The following PPARGC1A variants were observed in gnomAD, a reference collection of about 807,000 sequenced individuals.
PPARGC1A encodes peroxisome proliferator-activated receptor gamma coactivator 1-alpha.
Under a neutral mutation model 88.7 loss-of-function variants are expected in PPARGC1A, and 25 were observed. The observed-to-expected ratio is 0.28, with a 90% confidence interval of 0.21 to 0.39. The LOEUF (loss-of-function observed/expected upper bound fraction) is 0.39, where lower values mean the gene tolerates loss of function less well. PPARGC1A is among the 10% of genes least tolerant of loss of function. The pLI is 1.00. For missense variants in PPARGC1A, 880 were observed against 968.7 expected (o/e 0.91, Z 1.22); for synonymous variants, 363 against 355.6 (o/e 1.02, Z -0.24).
chr4:24,140,826 C>T, the PPARGC1A span, among the ~76,000 whole-genome samples: 68 of 152,146 alleles, frequency 4.5e-4, no homozygotes, highest in Non-Finnish European at 8.7e-4. Context: ...AATCGAGAGA[C>T]ACTTGCCCTT....
the PPARGC1A span, among the ~76,000 whole-genome samples, chr4:24,092,003 G>A: frequency 6.6e-6 from 1 of 151,978 alleles, no homozygotes; most frequent in Non-Finnish European, 1.5e-5. Context: ...GGTTGCATCA[G>A]TGGGCTGGTG....
chr4:24,157,463 G>C, the PPARGC1A span, among the ~76,000 whole-genome samples: 3 of 152,048 alleles, frequency 2.0e-5, no homozygotes, highest in Non-Finnish European at 4.4e-5. Context: ...TCTCACCTGA[G>C]CATTAAATAA....
the PPARGC1A span, among the ~76,000 whole-genome samples, chr4:24,008,951 T>C: frequency 6.6e-6 from 1 of 151,972 alleles, no homozygotes; most frequent in Admixed American, 6.6e-5. Context: ...TTTATATATC[T>C]TAAATCTTAG....
the PPARGC1A span, among the ~76,000 whole-genome samples, chr4:24,418,625 T>A: frequency 6.6e-6 from 1 of 152,146 alleles, no homozygotes; most frequent in Non-Finnish European, 1.5e-5. Flanking sequence ...ACACTATCAT[T>A]TACTTATGTG....
the PPARGC1A span, among the ~76,000 whole-genome samples, chr4:24,166,358 G>A: frequency 1.3e-5 from 2 of 152,224 alleles, no homozygotes; most frequent in Non-Finnish European, 2.9e-5. Context: ...GCTGCAGCAA[G>A]TCACCCAGAG....
the PPARGC1A span, among the ~76,000 whole-genome samples, chr4:23,913,003 C>T: frequency 6.8e-6 from 1 of 147,884 alleles, no homozygotes; most frequent in Admixed American, 6.8e-5. Flanking sequence ...GATGGGGTTT[C>T]ACCATGTTAG....
the PPARGC1A span, among the ~76,000 whole-genome samples, chr4:24,458,571 C>G: frequency 6.6e-6 from 1 of 152,090 alleles, no homozygotes; most frequent in African/African-American, 2.4e-5. Context: ...CATCTGGTAC[C>G]CTTACATGTA....
At chr4:23,990,265 T>C in the PPARGC1A span, among the ~76,000 whole-genome samples, 2 of 150,946 alleles carry the variant, frequency 1.3e-5, no homozygotes, top group African/African-American at 4.9e-5. Flanking sequence ...TTTTTGTTGA[T>C]AATTTACAAG....
At chr4:24,144,027 C>T in the PPARGC1A span, among the ~76,000 whole-genome samples, 15 of 152,364 alleles carry the variant, frequency 9.8e-5, no homozygotes, top group African/African-American at 3.6e-4. Context: ...CCAGCCCCTA[C>T]TGGCCACATG....
the PPARGC1A span, among the ~76,000 whole-genome samples, chr4:24,084,545 T>C: frequency 6.6e-6 from 1 of 152,176 alleles, no homozygotes; most frequent in Non-Finnish European, 1.5e-5. Flanking sequence ...GGCCTAAGTG[T>C]CATTTGTTAG....
the PPARGC1A span, among the ~76,000 whole-genome samples, chr4:24,287,922 A>G: frequency 1.3e-5 from 2 of 152,104 alleles, no homozygotes; most frequent in East Asian, 1.9e-4. Context: ...GTTGACTGTG[A>G]GGCAAAGGAG....
chr4:23,965,489 A>G, the PPARGC1A span, among the ~76,000 whole-genome samples: 2 of 152,246 alleles, frequency 1.3e-5, no homozygotes, highest in Non-Finnish European at 2.9e-5. Flanking sequence ...CTTCACCCTT[A>G]TTCATTGTGC....
At chr4:24,201,318 C>A in the PPARGC1A span, among the ~76,000 whole-genome samples, 1 of 152,214 alleles carries the variant, frequency 6.6e-6, no homozygotes, top group Admixed American at 6.5e-5. Flanking sequence ...TTCCTGAGGA[C>A]AAGGGGCCAA....
chr4:24,034,099 T>C, the PPARGC1A span, among the ~76,000 whole-genome samples: 80 of 152,302 alleles, frequency 5.3e-4, 1 homozygote, highest in African/African-American at 1.8e-3. Flanking sequence ...GCAAAAAGTA[T>C]ATCCCTAAAC....
At chr4:24,407,359 C>T in the PPARGC1A span, among the ~76,000 whole-genome samples, 8 of 152,304 alleles carry the variant, frequency 5.3e-5, no homozygotes, top group South Asian at 2.1e-4. Flanking sequence ...GAAACGAGGG[C>T]GTCATCCCTG....
the PPARGC1A span, among the ~76,000 whole-genome samples, chr4:24,027,736 C>T: frequency 6.4e-4 from 97 of 152,040 alleles, 1 homozygote; most frequent in Middle Eastern, 0.02. Flanking sequence ...GTCACAGGTG[C>T]GAAGGAAAAA....
the PPARGC1A span, among the ~76,000 whole-genome samples, chr4:24,031,609 T>C: frequency 3.3e-5 from 5 of 152,156 alleles, no homozygotes; most frequent in African/African-American, 1.2e-4. Flanking sequence ...ACACTCTGGC[T>C]CCGATCATTC....
intron 10 of PPARGC1A, among the ~76,000 whole-genome samples, chr4:23,809,866 CCTCT>C (rs1180334245): frequency 1.3e-5 from 2 of 151,958 alleles, no homozygotes; most frequent in Non-Finnish European, 2.9e-5. Flanking sequence ...AGTCTTATAC[CCTCT>C]CTGAGGATGT....
At chr4:24,288,632 A>G in the PPARGC1A span, among the ~76,000 whole-genome samples, 3 of 152,236 alleles carry the variant, frequency 2.0e-5, no homozygotes, top group Non-Finnish European at 4.4e-5. Context: ...TAAAGTTGAC[A>G]GGAAGAGGAT....
Sources: allele counts gnomAD v4.1 joint callset (sites outside exome capture counted in the v4.1 genomes callset), GRCh38; gene constraint gnomAD v4.1.1; transcripts MANE v1.5; gene names NCBI Gene and HGNC (gene_info 2026-07-23, HGNC 2026-07-21).